The following RAPGEF4 variants were observed in gnomAD, a reference collection of about 807,000 sequenced individuals.
The protein encoded by RAPGEF4 is RAP guanine-nucleotide-exchange factor (GEF) 4.
A neutral mutation model predicts 147.9 loss-of-function variants in RAPGEF4; 66 were observed. That is an observed-to-expected ratio of 0.45 (90% confidence interval 0.37 to 0.55). The LOEUF is 0.55. RAPGEF4 is among the 20% of genes least tolerant of loss of function. The pLI, the probability that RAPGEF4 is intolerant of heterozygous loss-of-function variation, is 0.00. For missense variants in RAPGEF4, 1,071 were observed against 1,257.3 expected (o/e 0.85, Z 2.24); for synonymous variants, 419 against 442.7 (o/e 0.95, Z 0.67).
Position 172,922,282 on chromosome 2 carries a change from G to T in RAPGEF4, c.519G>T (p.Arg173Ser). Reference protein sequence around the residue: ...GVMETGSNNDRIPDKENTPLI... With the variant: ...GVMETGSNNDSIPDKENTPLI... The stretch of plus-strand genomic sequence containing the variant: ...CTCTGTCTCTTTTTCCTCCTTTAGG[G>T]ATTCCTGACAAGGAGAACGTGAGTA... Residue 173 changes from arginine to serine, a missense_variant and splice_region_variant, in exon 6 of 31, where the codon AGG (arginine) becomes AGT (serine). Arg to Ser is a moderately radical substitution (Grantham distance 110, BLOSUM62 -1). Transcript: ENST00000397081. The T allele has an allele frequency of 6.2e-7, 1 of 1,607,276 alleles. No homozygotes were observed. The highest frequency in any genetic ancestry group is 8.5e-7 in the Non-Finnish European group (1 of 1,173,882).
chr2:172,821,521 C>A, intron 4 of RAPGEF4: 1 of 903,524 alleles, frequency 1.1e-6, no homozygotes, highest in Non-Finnish European at 1.3e-6. Context: ...AGACTTCATG[C>A]CAGGAACTCC....
chr2:172,843,681 T>A (rs1022985051), intron 4 of RAPGEF4, among the ~76,000 whole-genome samples: 1 of 152,222 alleles, frequency 6.6e-6, no homozygotes, highest in Non-Finnish European at 1.5e-5. Flanking sequence ...TCTCTATTCA[T>A]CCCACTTAGT....
chr2:172,859,024 T>C (rs1693740974), intron 4 of RAPGEF4, among the ~76,000 whole-genome samples: 1 of 152,212 alleles, frequency 6.6e-6, no homozygotes, highest in African/African-American at 2.4e-5. Flanking sequence ...TATATAAAGC[T>C]ATTTAAAATG....
intron 6 of RAPGEF4, among the ~76,000 whole-genome samples, chr2:172,937,518 C>T (rs1575306795): frequency 6.6e-6 from 1 of 152,130 alleles, no homozygotes; most frequent in Non-Finnish European, 1.5e-5. Context: ...CACATCATAT[C>T]AAGAATATAT....
intron 4 of RAPGEF4, among the ~76,000 whole-genome samples, chr2:172,864,776 G>A (rs768817094): frequency 6.6e-6 from 1 of 152,160 alleles, no homozygotes; most frequent in Non-Finnish European, 1.5e-5. Context: ...ATGGTGGCAC[G>A]TGACTGTAGT....
Position 172,736,052 on chromosome 2 carries a change from GCTCGCCGGGGGC to G in RAPGEF4, c.65+6_65+17del. ...GGATCGCCTGCCTGGATAAAAGGTA[GCTCGCCGGGGGC>G]CGCAGCCGGGGGCCGAGCTCTGCGG... On this transcript the variant is annotated splice_donor_5th_base_variant and intron_variant, in intron 1 of 30. Transcript: ENST00000397081. 7.6e-7 allele frequency: 1 copy of G among 1,323,524 alleles called. No homozygotes were observed. Among genetic ancestry groups the G allele is most frequent in the Non-Finnish European group, 9.6e-7 (1 of 1,043,324 alleles). 82.0% of individuals were successfully genotyped at this position (1,323,524 alleles called of 1,614,324 possible). A position where few individuals can be genotyped will look rare whatever the true frequency, so the allele number is the denominator to read the frequency against.
chr2:172,787,706 A>G (rs1468140449), intron 1 of RAPGEF4, among the ~76,000 whole-genome samples: 18 of 151,762 alleles, frequency 1.2e-4, no homozygotes, highest in Non-Finnish European at 2.2e-4. Flanking sequence ...TGCAGCCTCA[A>G]CCTCCTGGGC....
At chr2:172,980,496 G>A (rs73977749) in intron 10 of RAPGEF4, among the ~76,000 whole-genome samples, 11,074 of 152,228 alleles carry the variant, frequency 0.073, 586 homozygotes, top group South Asian at 0.16. Context: ...AGACATTGAG[G>A]AGAAATGTTC....
At chr2:172,890,715 C>A (rs1390116181) in intron 4 of RAPGEF4, among the ~76,000 whole-genome samples, 1 of 152,244 alleles carries the variant, frequency 6.6e-6, no homozygotes, top group Non-Finnish European at 1.5e-5. Context: ...CCCTGCAAAC[C>A]ATTTCTTGCT....
intron 26 of RAPGEF4, among the ~76,000 whole-genome samples, 175 bp from the exon 27 acceptor site, chr2:173,033,739 C>T (rs1683533700): frequency 6.6e-6 from 1 of 152,202 alleles, no homozygotes; most frequent in Non-Finnish European, 1.5e-5. Context: ...AAGGCAAGTT[C>T]TCTATATTCT....
chr2:172,810,068 T>G (rs758148475), intron 3 of RAPGEF4, among the ~76,000 whole-genome samples: 4 of 152,184 alleles, frequency 2.6e-5, no homozygotes, highest in Admixed American at 6.5e-5. Flanking sequence ...ATTGGTACCT[T>G]AACAGATTTT....
intron 6 of RAPGEF4, among the ~76,000 whole-genome samples, chr2:172,949,425 G>T (rs1361872847): frequency 6.6e-6 from 1 of 152,150 alleles, no homozygotes. Context: ...TATGACTGGT[G>T]TCTGGCGGAA....
chr2:172,803,554 G>A (rs1687183027), intron 3 of RAPGEF4, among the ~76,000 whole-genome samples: 1 of 151,472 alleles, frequency 6.6e-6, no homozygotes, highest in Non-Finnish European at 1.5e-5. Flanking sequence ...TGTGATGGGA[G>A]GGGCCACCAT....
intron 4 of RAPGEF4, among the ~76,000 whole-genome samples, chr2:172,881,441 A>G (rs1696617695): frequency 6.6e-6 from 1 of 152,252 alleles, no homozygotes; most frequent in African/African-American, 2.4e-5. Flanking sequence ...TAAGACAGAC[A>G]AAGTTTTAGC....
intron 3 of RAPGEF4, among the ~76,000 whole-genome samples, chr2:172,804,230 A>G (rs2149575069): frequency 6.6e-6 from 1 of 152,228 alleles, no homozygotes; most frequent in East Asian, 1.9e-4. Flanking sequence ...TCAAATTCAT[A>G]TTGCCTTCCT....
chr2:172,977,174 C>A (rs1005657577), intron 10 of RAPGEF4, among the ~76,000 whole-genome samples: 1 of 152,168 alleles, frequency 6.6e-6, no homozygotes, highest in African/African-American at 2.4e-5. Flanking sequence ...TCCTCCTGCT[C>A]GGGCACAGTG....
intron 27 of RAPGEF4, among the ~76,000 whole-genome samples, chr2:173,035,815 G>A (rs541941167): frequency 3.3e-4 from 51 of 152,250 alleles, no homozygotes; most frequent in African/African-American, 1.1e-3. Flanking sequence ...AAAATGATAA[G>A]ACAATTATAA....
In RAPGEF4 at chr2:173,020,688, T is replaced by G; in HGVS notation, c.2226T>G (p.Ala742=). Residue 742 remains alanine (A), a synonymous_variant, in exon 23 of 31, where the codon GCT becomes GCG. Transcript: ENST00000397081. The stretch of plus-strand genomic sequence containing the variant: ...TCACCATTAATGGACGCCTGTTTGC[T>G]TGCCCGCGAGAGCAATTCGATTCAC... The part of the protein sequence containing the change: ...TTLTINGRLF[A]CPREQFDSLT... 1.2e-6 allele frequency: 2 copies of G among 1,614,020 alleles called. No individual in the cohort carries two copies. Among genetic ancestry groups the G allele is most frequent in the Non-Finnish European group, 1.7e-6 (2 of 1,179,926 alleles).
At chr2:172,882,478 C>T (rs1696736742) in intron 4 of RAPGEF4, among the ~76,000 whole-genome samples, 1 of 152,098 alleles carries the variant, frequency 6.6e-6, no homozygotes, top group Non-Finnish European at 1.5e-5. Flanking sequence ...ATCTAAAAGA[C>T]ATGGAAGCTG....
Sources: allele counts gnomAD v4.1 joint callset (sites outside exome capture counted in the v4.1 genomes callset), GRCh38; gene constraint gnomAD v4.1.1; transcripts MANE v1.5; gene names NCBI Gene and HGNC (gene_info 2026-07-23, HGNC 2026-07-21).